MTMR9: variants seen among roughly 807,000 people sequenced by gnomAD.
MTMR9 encodes myotubularin-related protein 9.
In MTMR9, 39 loss-of-function variants were observed where a neutral mutation model predicts 69.5. The ratio of observed to expected loss-of-function variants is 0.56; its 90% CI spans 0.43 to 0.73. The LOEUF is 0.73. MTMR9 is among the 30% of genes least tolerant of loss of function. The pLI is 0.00. For synonymous variants in MTMR9, 354 were observed against 240.8 expected (o/e 1.47, Z -4.35); for missense variants, 900 against 671.2 (o/e 1.34, Z -3.77).
At chr8:11,304,421 T>A (rs1421428516) in intron 3 of MTMR9, among the ~76,000 whole-genome samples, 1 of 152,184 alleles carries the variant, frequency 6.6e-6, no homozygotes, top group African/African-American at 2.4e-5. Flanking sequence ...TAGGATGATG[T>A]TGGCCGTGAT....
chr8:11,314,528 A>G (rs557131553), intron 6 of MTMR9, among the ~76,000 whole-genome samples: 28 of 152,330 alleles, frequency 1.8e-4, no homozygotes, highest in African/African-American at 4.6e-4. Context: ...GTGTATGTCT[A>G]TAGTTTTGAT....
chr8:11,290,155 T>G (rs981106489), intron 1 of MTMR9, among the ~76,000 whole-genome samples: 1 of 152,234 alleles, frequency 6.6e-6, no homozygotes, highest in East Asian at 1.9e-4. Flanking sequence ...AGTCTGAAGA[T>G]TGTGAAATAG....
chr8:11,288,034 ATATAT>A (rs1380537491), intron 1 of MTMR9, among the ~76,000 whole-genome samples: 24 of 125,474 alleles, frequency 1.9e-4, no homozygotes, highest in Non-Finnish European at 3.5e-4. Flanking sequence ...GATATATAAT[ATATAT>A]TATATAATAC....
downstream of MTMR9, chr8:11,328,217 A>G (rs1424592260): frequency 6.6e-6 from 1 of 152,130 alleles, no homozygotes; most frequent in African/African-American, 2.4e-5. Flanking sequence ...TTAAATCTAT[A>G]TATTTTTTAC....
At position 11,324,438 on chromosome 8, in the gene MTMR9, A is replaced by G. The variant is rs867219436; in HGVS notation, c.*1650A>G. 8.6e-5 allele frequency: 13 copies of G among 152,022 alleles called. 1 individual carries two copies. In the South Asian group the frequency reaches 2.7e-3, roughly 32 times the overall value. 9.4% of individuals were successfully genotyped at this position (152,022 alleles called of 1,614,324 possible). A position where few individuals can be genotyped will look rare whatever the true frequency, so the allele number is the denominator to read the frequency against. On this transcript the variant is annotated 3_prime_UTR_variant, in exon 10 of 10. Coordinates refer to ENST00000221086, the MANE Select transcript of MTMR9 (RefSeq NM_015458.4). Reference sequence around the variant, plus strand: ...TAGTTATGAACCTTGGGGCATTAAAATCCCATGGCAAGGAGCATAAGAGAT... The same window carrying G: ...TAGTTATGAACCTTGGGGCATTAAAGTCCCATGGCAAGGAGCATAAGAGAT...
At chr8:11,296,191 CA>C (rs1799553427) in intron 2 of MTMR9, among the ~76,000 whole-genome samples, 5 of 152,080 alleles carry the variant, frequency 3.3e-5, no homozygotes, top group Admixed American at 3.3e-4. Context: ...AGCTTGTGAC[CA>C]TTGGTAAAGT....
chr8:11,285,932 A>C (rs983792324), intron 1 of MTMR9, among the ~76,000 whole-genome samples: 6 of 149,838 alleles, frequency 4.0e-5, no homozygotes, highest in Non-Finnish European at 7.4e-5. Flanking sequence ...TAAAATAATA[A>C]TCTCTTTCTT....
chr8:11,289,361 C>T (rs368761460), intron 1 of MTMR9, among the ~76,000 whole-genome samples: 34 of 152,286 alleles, frequency 2.2e-4, no homozygotes, highest in South Asian at 2.1e-3. Context: ...TACTTAACCT[C>T]GTAGAAACTT....
chr8:11,285,959 T>TC (rs1296877473), intron 1 of MTMR9, among the ~76,000 whole-genome samples: 24 of 141,868 alleles, frequency 1.7e-4, no homozygotes, highest in Admixed American at 1.4e-4. Context: ...TTTTTTTTTT[T>TC]TTTTTTTTTT....
chr8:11,319,183 T>C (rs1014366054), intron 8 of MTMR9: 10 of 152,060 alleles, frequency 6.6e-5, no homozygotes, highest in African/African-American at 2.4e-4. Context: ...GACATTCATA[T>C]TTGTAAGCTA....
intron 2 of MTMR9, among the ~76,000 whole-genome samples, chr8:11,296,848 C>T (rs371916580): frequency 6.7e-4 from 102 of 152,084 alleles, no homozygotes; most frequent in Non-Finnish European, 8.1e-4. Context: ...TGAATTTTCA[C>T]GTATCAATTA....
rs919955444 is a variant in MTMR9, at chr8:11,326,597, G to A, written c.*3809G>A. On this transcript the variant is annotated 3_prime_UTR_variant, in exon 10 of 10. Coordinates refer to ENST00000221086, the MANE Select transcript of MTMR9 (RefSeq NM_015458.4). Reference sequence around the variant, plus strand: ...TTAGCTACTGCTTATTCTTTCACATGGGCTAGGCCTGTTCTCCTCCTCCAG... The same window carrying A: ...TTAGCTACTGCTTATTCTTTCACATAGGCTAGGCCTGTTCTCCTCCTCCAG... The A allele has an allele frequency of 1.3e-5, 2 of 152,106 alleles. No individual in the cohort carries two copies. The highest frequency in any genetic ancestry group is 2.9e-5 in the Non-Finnish European group (2 of 68,030). The allele number at this position is 152,106 out of a possible 1,614,324, so 9.4% of individuals were successfully genotyped here.
intron 5 of MTMR9, among the ~76,000 whole-genome samples, chr8:11,306,628 T>C (rs998669656): frequency 6.6e-6 from 1 of 152,122 alleles, no homozygotes; most frequent in Non-Finnish European, 1.5e-5. Context: ...GCTATTTTGA[T>C]ATACATATAC....
chr8:11,316,673 G>A lies in MTMR9; in HGVS notation c.1114G>A (p.Ala372Thr), dbSNP rs748149884. Residue 372 changes from alanine (A) to threonine (T), a missense_variant and splice_region_variant, in exon 8 of 10, where the codon GCT becomes ACT. Ala to Thr is a moderately conservative substitution (Grantham distance 58, BLOSUM62 0). Transcript: ENST00000221086. ...TGTCACGCCTCCATCTTCCCCCTAG[G>A]CTGGTCACCCATTCCAGCAGCGCTG... ...EALIEREWLQ[A>T]GHPFQQRCAQ... is the part of the protein sequence containing the mutation. The A allele has an allele frequency of 1.3e-6, 2 of 1,595,072 alleles. No homozygotes were observed. Among genetic ancestry groups the A allele is most frequent in the Non-Finnish European group, 1.7e-6 (2 of 1,171,438 alleles).
rs1289633245 is a variant in MTMR9 at position 11,327,203 on chromosome 8, C to T, written c.*4415C>T. ...AGGACTGGATATTAAAATGCCTGAA[C>T]CTGTTATCTAAATCCTTTTTAAGAA... On this transcript the variant is annotated 3_prime_UTR_variant, in exon 10 of 10. Coordinates refer to ENST00000221086, the MANE Select transcript of MTMR9 (RefSeq NM_015458.4). 6.6e-6 allele frequency: 1 copy of T among 152,238 alleles called. No homozygotes were observed. The highest frequency in any genetic ancestry group is 1.9e-4 in the East Asian group (1 of 5,186). The allele number at this position is 152,238 out of a possible 1,614,324, so 9.4% of individuals were successfully genotyped here.
intron 2 of MTMR9, among the ~76,000 whole-genome samples, chr8:11,297,532 T>A (rs546503877): frequency 1.6e-5 from 2 of 128,532 alleles, no homozygotes; most frequent in African/African-American, 8.0e-5. Context: ...GGTTTTGTGG[T>A]TTTTTTTTTT....
chr8:11,323,994 G>A lies in MTMR9; in HGVS notation c.*1206G>A, dbSNP rs1800810581. 1 of 152,156 alleles carries A rather than the reference G, an allele frequency of 6.6e-6. No homozygotes were observed. Among genetic ancestry groups the A allele is most frequent in the Admixed American group, 6.5e-5 (1 of 15,272 alleles). The allele number at this position is 152,156 out of a possible 1,614,324, so 9.4% of individuals were successfully genotyped here. A position where few individuals can be genotyped will look rare whatever the true frequency, so the allele number is the denominator to read the frequency against. On this transcript the variant is annotated 3_prime_UTR_variant, in exon 10 of 10. Coordinates refer to ENST00000221086, the MANE Select transcript of MTMR9 (RefSeq NM_015458.4). Reference sequence around the variant, plus strand: ...TCTATGCCTGCAACTCCAAATGTTTGTGGTTCAGTATTTCCCACCTACATT... The same window carrying A: ...TCTATGCCTGCAACTCCAAATGTTTATGGTTCAGTATTTCCCACCTACATT...
Position 11,326,258 on chromosome 8 carries a change from T to G in MTMR9, c.*3470T>G, listed in dbSNP as rs1186017279. 1 of 57,188 alleles carries G rather than the reference T, an allele frequency of 1.7e-5. No homozygotes were observed. The highest frequency in any genetic ancestry group is 5.3e-5 in the Non-Finnish European group (1 of 18,918). The allele number at this position is 57,188 out of a possible 1,614,324, so 3.5% of individuals were successfully genotyped here. ...TCTAAAGTAGGTCATCAGGTTCACT[T>G]ATTATCCGACCTTAATCTGGGATAA... On this transcript the variant is annotated 3_prime_UTR_variant, in exon 10 of 10. Transcript: ENST00000221086.
the MTMR9 span, among the ~76,000 whole-genome samples, chr8:11,334,730 A>G: frequency 5.3e-5 from 8 of 152,188 alleles, no homozygotes; most frequent in Admixed American, 1.3e-4. Flanking sequence ...GGAAAAAAGA[A>G]TGATGTCCCA....
Sources: allele counts gnomAD v4.1 joint callset (sites outside exome capture counted in the v4.1 genomes callset), GRCh38; gene constraint gnomAD v4.1.1; transcripts MANE v1.5; gene names NCBI Gene and HGNC (gene_info 2026-07-23, HGNC 2026-07-21).